HDLBP: variants seen among roughly 807,000 people sequenced by gnomAD.
HDLBP encodes vigilin.
HDLBP carries 30 observed loss-of-function variants against 137.3 expected under a neutral mutation model. The ratio of observed to expected loss-of-function variants is 0.22; its 90% CI spans 0.16 to 0.30. HDLBP has a LOEUF of 0.30. Ranked by LOEUF, HDLBP falls within the 10% of genes least tolerant of loss-of-function variation. The pLI is 1.00. For missense variants in HDLBP, 1,119 were observed against 1,667.3 expected (o/e 0.67, Z 5.73); for synonymous variants, 606 against 596.0 (o/e 1.02, Z -0.24).
intron 7 of HDLBP, 113 bp downstream of exon 7, chr2:241,256,071 C>G: frequency 2.3e-6 from 2 of 874,528 alleles, no homozygotes; most frequent in Admixed American, 4.2e-5. Context: ...CAATAAGCAT[C>G]TTCATCAAGG....
intron 1 of HDLBP, among the ~76,000 whole-genome samples, chr2:241,314,012 T>C (rs2075871458): frequency 6.6e-6 from 1 of 152,224 alleles, no homozygotes; most frequent in Admixed American, 6.5e-5. Context: ...TCATGATGAA[T>C]TATTTAATGG....
In HDLBP at chr2:241,246,899, T is replaced by G; in HGVS notation, c.1819-16A>C. The G allele has an allele frequency of 6.2e-7, 1 of 1,613,992 alleles. No individual in the cohort carries two copies. Among genetic ancestry groups the G allele is most frequent in the Non-Finnish European group, 8.5e-7 (1 of 1,179,904 alleles). ...CTTCACGAATCTACAGGGAGAGAGA[T>G]CACCATGAGAAGCTGACTAGAGCTC... is the stretch of plus-strand genomic sequence containing the variant. On this transcript the variant is annotated splice_polypyrimidine_tract_variant and intron_variant, in intron 15 of 27. Coordinates refer to ENST00000310931, the MANE Select transcript of HDLBP (RefSeq NM_005336.6).
Position 241,255,511 on chromosome 2 carries a change from C to T in HDLBP, c.943G>A (p.Gly315Ser). 1.2e-6 allele frequency: 2 copies of T among 1,614,056 alleles called. No homozygotes were observed. The highest frequency in any genetic ancestry group is 1.7e-6 in the Non-Finnish European group (2 of 1,179,938). ...SQHKYVIGPK[G>S]NSLQEILERT... Reference sequence around the variant, plus strand: ...TCAAGGATCTCCTGCAATGAATTGCCCTTGGGCCCAATGACATACTTGTGT... The same window carrying T: ...TCAAGGATCTCCTGCAATGAATTGCTCTTGGGCCCAATGACATACTTGTGT... Residue 315 changes from glycine (G) to serine (S), a missense_variant, in exon 8 of 28, where the codon GGC (glycine) becomes AGC (serine). Gly to Ser is a moderately conservative substitution (Grantham distance 56, BLOSUM62 0). Coordinates refer to ENST00000310931, the MANE Select transcript of HDLBP (RefSeq NM_005336.6).
chr2:241,266,599 T>G (rs577777070), intron 3 of HDLBP, 195 bp downstream of exon 3: 1 of 563,250 alleles, frequency 1.8e-6, no homozygotes, highest in South Asian at 2.2e-5. Flanking sequence ...CTGTACTTGA[T>G]TCATTTCCTC....
At position 241,233,257 on chromosome 2, in the gene HDLBP, C is replaced by T. The variant is rs762018394; in HGVS notation, c.3288+563G>A. Among the ~76,000 whole-genome samples, 7 of 152,170 alleles carry T rather than the reference C, an allele frequency of 4.6e-5. No homozygotes were observed. Among genetic ancestry groups the T allele is most frequent in the Admixed American group, 1.3e-4 (2 of 15,284 alleles). ...GTGTTGGGTGAGGCTGCCCTGCATG[C>T]CAGGTGGCAGGGCCCAGAGAGGGGA... On this transcript the variant is annotated intron_variant, in intron 24 of 27. Coordinates refer to ENST00000310931, the MANE Select transcript of HDLBP (RefSeq NM_005336.6). This position sits in a 1 kb window ranked among gnomAD's most constrained non-coding sequence, Gnocchi z 4.3.
intron 1 of HDLBP, among the ~76,000 whole-genome samples, chr2:241,309,191 TTCC>T (rs1412111373): frequency 6.6e-6 from 1 of 152,148 alleles, no homozygotes. Context: ...ATACTTTATT[TTCC>T]TCCTTTCTTC....
chr2:241,301,556 C>T (rs2075396677), intron 1 of HDLBP, among the ~76,000 whole-genome samples: 1 of 152,090 alleles, frequency 6.6e-6, no homozygotes, highest in African/African-American at 2.4e-5. Context: ...ATACTACACA[C>T]CTGTAATCAT....
intron 24 of HDLBP, among the ~76,000 whole-genome samples, chr2:241,232,988 G>A (rs533445043): frequency 3.5e-5 from 5 of 143,522 alleles, no homozygotes; most frequent in East Asian, 6.3e-4. Context: ...GGAGGAAGAA[G>A]GGGAAGGGGA....
At chr2:241,313,974 TA>T (rs2075865741) in intron 1 of HDLBP, among the ~76,000 whole-genome samples, 3 of 152,174 alleles carry the variant, frequency 2.0e-5, no homozygotes, top group African/African-American at 7.2e-5. Context: ...CAAGCAAAAC[TA>T]ATAGCAGTAA....
At chr2:241,277,875 C>T (rs370312277) in intron 1 of HDLBP, among the ~76,000 whole-genome samples, 15 of 152,038 alleles carry the variant, frequency 9.9e-5, no homozygotes, top group African/African-American at 3.1e-4. Flanking sequence ...GCAGGAGAAT[C>T]GCTTGTACCT....
intron 11 of HDLBP, among the ~76,000 whole-genome samples, chr2:241,251,479 G>A (rs1358870973): frequency 6.6e-6 from 1 of 152,288 alleles, no homozygotes; most frequent in African/African-American, 2.4e-5. Context: ...TAACAAAAAC[G>A]GATACACGGA....
In HDLBP at chr2:241,256,178, G is replaced by C. The variant is rs1168896910; in HGVS notation, c.873+6C>G. Reference sequence around the variant, plus strand: ...CATGGGGATTTGCCTCCTCTAAATCGTGTACCTTCTCCTCATAAATCTTCT... The same window carrying C: ...CATGGGGATTTGCCTCCTCTAAATCCTGTACCTTCTCCTCATAAATCTTCT... On this transcript the variant is annotated splice_donor_region_variant and intron_variant, in intron 7 of 27. Coordinates refer to ENST00000310931, the MANE Select transcript of HDLBP (RefSeq NM_005336.6). 2.5e-6 allele frequency: 4 copies of C among 1,612,126 alleles called. No homozygotes were observed. In the South Asian group the frequency reaches 4.4e-5, roughly 18 times the overall value.
At chr2:241,262,501 C>T (rs912059019) in intron 5 of HDLBP, among the ~76,000 whole-genome samples, 1 of 152,088 alleles carries the variant, frequency 6.6e-6, no homozygotes, top group African/African-American at 2.4e-5. Flanking sequence ...ACTCAAAGAG[C>T]AAAAATGGTA....
intron 11 of HDLBP, among the ~76,000 whole-genome samples, chr2:241,251,805 T>A (rs1014384855): frequency 1.3e-5 from 2 of 151,998 alleles, no homozygotes; most frequent in African/African-American, 4.8e-5. Flanking sequence ...TGAAATTCCA[T>A]CTCTACTAAA....
intron 3 of HDLBP, 91 bp downstream of exon 3, chr2:241,266,703 T>C: frequency 2.3e-6 from 2 of 872,392 alleles, no homozygotes; most frequent in East Asian, 2.4e-5. Flanking sequence ...GGCCAAAAGG[T>C]ACTTCTAGAA....
chr2:241,293,290 CA>C (rs1385859060), intron 1 of HDLBP, among the ~76,000 whole-genome samples: 1 of 151,906 alleles, frequency 6.6e-6, no homozygotes, highest in African/African-American at 2.4e-5. Context: ...GCTTGGACAA[CA>C]AAGCAAGACC....
At chr2:241,236,409 C>G (rs1044277104) in intron 21 of HDLBP, 8 of 597,104 alleles carry the variant, frequency 1.3e-5, no homozygotes, top group Non-Finnish European at 2.1e-5. Flanking sequence ...CTATAGAACC[C>G]CGAGCCTTGG....
intron 1 of HDLBP, among the ~76,000 whole-genome samples, chr2:241,281,771 G>A (rs558680307): frequency 1.3e-5 from 2 of 152,292 alleles, no homozygotes; most frequent in South Asian, 4.1e-4. Flanking sequence ...TGGATTACAT[G>A]TAAAATGGTA....
intron 1 of HDLBP, among the ~76,000 whole-genome samples, chr2:241,303,399 A>G (rs2075458236): frequency 6.6e-6 from 1 of 152,232 alleles, no homozygotes; most frequent in Non-Finnish European, 1.5e-5. Flanking sequence ...AAGACTGGAC[A>G]AAGGAATCAT....
Sources: gnomAD v4.1 joint callset for allele counts (sites outside exome capture counted in the v4.1 genomes callset) on GRCh38, gnomAD v4.1.1 for gene constraint, Gnocchi (gnomAD v3.1) non-coding constraint, MANE v1.5 for transcripts, NCBI Gene and HGNC (gene_info 2026-07-23, HGNC 2026-07-21) for gene names.